C1GALT1: variants seen among roughly 807,000 people sequenced by gnomAD.
C1GALT1 encodes the protein glycoprotein-N-acetylgalactosamine 3-beta-galactosyltransferase 1.
A neutral mutation model predicts 31.0 loss-of-function variants in C1GALT1; 11 were observed. That is an observed-to-expected ratio of 0.36 (90% CI 0.22 to 0.59). The LOEUF is 0.59. Among genes scored for constraint, C1GALT1 ranks in the 20% least tolerant of loss-of-function variants. The probability of loss-of-function intolerance (pLI) is 0.79; values close to 1 mark genes in which losing one functional copy is unlikely to be tolerated. For missense variants in C1GALT1, 424 were observed against 425.2 expected, an observed-to-expected ratio of 1.00 and a Z score of 0.03; for synonymous variants, 175 against 143.6, an observed-to-expected ratio of 1.22 and a Z score of -1.56.
chr7:7,231,178 C>A (rs1032046540), intron 1 of C1GALT1, among the ~76,000 whole-genome samples: 6 of 152,148 alleles, frequency 3.9e-5, no homozygotes, highest in African/African-American at 1.4e-4. Flanking sequence ...AAAAATAGTT[C>A]ACTGCAGTCT....
At position 7,244,663 on chromosome 7, in the gene C1GALT1, C is replaced by T. The variant is rs550632252; in HGVS notation, c.*936C>T. ...TGATATTTTAAACTCTTTCCAACTA[C>T]ATAGTTATGGTTTATTTCATTCTCA... On this transcript the variant is annotated 3_prime_UTR_variant, in exon 4 of 4. Transcript: ENST00000436587. The T allele has an allele frequency of 3.9e-5, 6 of 152,224 alleles. No individual in the cohort carries two copies. Among genetic ancestry groups the T allele is most frequent in the African/African-American group, 1.4e-4 (6 of 41,552 alleles). The allele number at this position is 152,224 out of a possible 1,614,324, so 9.4% of individuals were successfully genotyped here.
At chr7:7,201,932 C>A (rs917479499) in intron 1 of C1GALT1, among the ~76,000 whole-genome samples, 2 of 152,196 alleles carry the variant, frequency 1.3e-5, no homozygotes, top group Non-Finnish European at 2.9e-5. Flanking sequence ...TGGGGTCTTT[C>A]CCCAATTCCA....
upstream of C1GALT1, chr7:7,177,995 T>A: frequency 4.5e-6 from 1 of 221,224 alleles, no homozygotes; most frequent in Non-Finnish European, 9.7e-6. Context: ...GAAAGATAAG[T>A]ACCTGGATTG....
chr7:7,229,709 T>C (rs1435066020), intron 1 of C1GALT1, among the ~76,000 whole-genome samples: 1 of 152,106 alleles, frequency 6.6e-6, no homozygotes, highest in Non-Finnish European at 1.5e-5. Context: ...TTTTATTGTA[T>C]CTTTTGGATA....
chr7:7,229,813 A>G lies in C1GALT1; in HGVS notation c.-17-4490A>G, dbSNP rs146760458. ...CCTCATCAGAGAAAACAGCAGAAAG[A>G]CATGGTAAACTTGTTTCTGGTTTTC... On this transcript the variant is annotated intron_variant, in intron 1 of 3. Coordinates refer to ENST00000436587, the MANE Select transcript of C1GALT1 (RefSeq NM_020156.5). Among the ~76,000 whole-genome samples, 95 of 152,282 alleles carry G rather than the reference A, an allele frequency of 6.2e-4. 2 individuals carry two copies. The East Asian group carries it at 0.017, about 27-fold the overall frequency.
In C1GALT1 at chr7:7,234,258, TAC is replaced by T. The variant is rs1783231281; in HGVS notation, c.-17-43_-17-42del. The T allele has an allele frequency of 3.5e-6, 5 of 1,434,740 alleles. No homozygotes were observed. The South Asian group carries it at 6.1e-5, about 17-fold the overall frequency. 88.9% of individuals were successfully genotyped at this position (1,434,740 alleles called of 1,614,324 possible). A position where few individuals can be genotyped will look rare whatever the true frequency, so the allele number is the denominator to read the frequency against. ...CCAGAATTTTTACTCCGGTTATGTA[TAC>T]AGCTTTGATTTTATAACATCCTGCT... On this transcript the variant is annotated intron_variant, in intron 1 of 3. Transcript: ENST00000436587.
At chr7:7,181,201 A>G (rs189111074), upstream of C1GALT1, among the ~76,000 whole-genome samples, 2 of 152,066 alleles carry the variant, frequency 1.3e-5, no homozygotes, top group African/African-American at 2.4e-5. Context: ...CATTGCGGAA[A>G]GGTGGAAGGA....
At chr7:7,160,596 A>G (rs1306047518) in intron 2 of C1GALT1, among the ~76,000 whole-genome samples, 1 of 152,158 alleles carries the variant, frequency 6.6e-6, no homozygotes, top group Non-Finnish European at 1.5e-5. Flanking sequence ...TGTGTCTGCT[A>G]ACCTAAATCC....
At chr7:7,218,778 A>C (rs894785727) in intron 1 of C1GALT1, among the ~76,000 whole-genome samples, 1 of 152,216 alleles carries the variant, frequency 6.6e-6, no homozygotes, top group African/African-American at 2.4e-5. Flanking sequence ...CAAAGATTAC[A>C]GAAAACCTTG....
chr7:7,205,729 C>T (rs568511081), intron 1 of C1GALT1, among the ~76,000 whole-genome samples: 1 of 152,190 alleles, frequency 6.6e-6, no homozygotes, highest in South Asian at 2.1e-4. Flanking sequence ...TATGGCACTT[C>T]TGTTCTCTTT....
chr7:7,206,876 C>T (rs1354837542), intron 1 of C1GALT1, among the ~76,000 whole-genome samples: 4 of 151,938 alleles, frequency 2.6e-5, no homozygotes, highest in Non-Finnish European at 5.9e-5. Flanking sequence ...TTACTTCTTT[C>T]AGCTTTCAGG....
chr7:7,223,330 T>G (rs1016112692), intron 1 of C1GALT1, among the ~76,000 whole-genome samples: 4 of 152,142 alleles, frequency 2.6e-5, no homozygotes, highest in African/African-American at 9.6e-5. Context: ...AGCTAATTTT[T>G]AAAAATATTT....
chr7:7,237,585 A>G (rs1433072149), intron 2 of C1GALT1, among the ~76,000 whole-genome samples: 2 of 152,168 alleles, frequency 1.3e-5, no homozygotes, highest in East Asian at 1.9e-4. Context: ...CATGTCTACC[A>G]TTGTTCTCTT....
At chr7:7,191,688 G>T (rs1184578744) in intron 1 of C1GALT1, among the ~76,000 whole-genome samples, 1 of 152,090 alleles carries the variant, frequency 6.6e-6, no homozygotes, top group Non-Finnish European at 1.5e-5. Context: ...GTATAAGGTA[G>T]CATCTCATTG....
intron 2 of C1GALT1, among the ~76,000 whole-genome samples, chr7:7,236,322 G>A (rs1311253298): frequency 1.3e-5 from 2 of 152,082 alleles, no homozygotes; most frequent in African/African-American, 2.4e-5. Context: ...GGACAAACCT[G>A]TCTTACCTGA....
chr7:7,227,360 G>T (rs1782812825), intron 1 of C1GALT1, among the ~76,000 whole-genome samples: 1 of 152,140 alleles, frequency 6.6e-6, no homozygotes, highest in Admixed American at 6.5e-5. Flanking sequence ...CCTCATGAAT[G>T]GTTTAATCCA....
rs554674922 is a variant in C1GALT1 at position 7,166,681 on chromosome 7, C to T, written c.-18+9255C>T. On this transcript the variant is annotated intron_variant, in intron 2 of 3. Coordinates refer to the C1GALT1 transcript ENST00000429911. ...AGTTAAAAACAACCGGGTTGAAATC[C>T]GTGTTATACTATTTACAAATTGCTT... 5.3e-5 allele frequency among the ~76,000 whole-genome samples: 8 copies of T among 152,246 alleles called. No homozygotes were observed. The South Asian group carries it at 1.0e-3, about 20-fold the overall frequency.
intron 1 of C1GALT1, among the ~76,000 whole-genome samples, chr7:7,227,699 A>G (rs10270043): frequency 0.55 from 81,045 of 146,976 alleles, 24,455 homozygotes; most frequent in African/African-American, 0.8. Flanking sequence ...CAGCCTGGGC[A>G]ACAGAGCGAG....
chr7:7,213,708 C>G (rs1005152900), intron 1 of C1GALT1, among the ~76,000 whole-genome samples: 5 of 152,124 alleles, frequency 3.3e-5, no homozygotes, highest in African/African-American at 1.2e-4. Context: ...TAATGTTAAC[C>G]CCAATTAGTT....
Sources: allele counts gnomAD v4.1 joint callset (sites outside exome capture counted in the v4.1 genomes callset), GRCh38; gene constraint gnomAD v4.1.1; transcripts MANE v1.5; gene names NCBI Gene and HGNC (gene_info 2026-07-23, HGNC 2026-07-21).